BARD1: variants seen among roughly 807,000 people sequenced by gnomAD.
The protein encoded by BARD1 is BRCA1-associated RING domain protein 1.
A neutral mutation model predicts 77.0 loss-of-function variants in BARD1; 73 were observed. That is an observed-to-expected ratio of 0.95 (90% CI 0.79 to 1.15). The LOEUF (loss-of-function observed/expected upper bound fraction) is 1.15, where lower values mean the gene tolerates loss of function less well. Ranked by LOEUF, BARD1 falls within the 50% of genes most tolerant of loss-of-function variation. BARD1 has a pLI of 0.00. For synonymous variants in BARD1, 384 were observed against 338.0 expected (o/e 1.14, Z -1.49); for missense variants, 993 against 938.8 (o/e 1.06, Z -0.75).
chr2:214,779,162 G>A (rs1694865064), intron 4 of BARD1, among the ~76,000 whole-genome samples: 1 of 152,094 alleles, frequency 6.6e-6, no homozygotes, highest in Non-Finnish European at 1.5e-5. Context: ...CATGTTGTAA[G>A]GTCCCTGCCT....
intron 9 of BARD1, among the ~76,000 whole-genome samples, chr2:214,732,803 T>C (rs550568321): frequency 1.3e-5 from 2 of 152,182 alleles, no homozygotes; most frequent in African/African-American, 2.4e-5. Context: ...TCAGACTTTA[T>C]GGCATAATCG....
chr2:214,794,221 A>G (rs1194921901), intron 2 of BARD1, among the ~76,000 whole-genome samples: 1 of 152,184 alleles, frequency 6.6e-6, no homozygotes, highest in African/African-American at 2.4e-5. Context: ...ACTGCACTCC[A>G]GCCTGGGTGA....
chr2:214,788,451 T>C (rs1695372889), intron 3 of BARD1, among the ~76,000 whole-genome samples: 1 of 152,080 alleles, frequency 6.6e-6, no homozygotes, highest in Non-Finnish European at 1.5e-5. Flanking sequence ...AAAGTATTAC[T>C]ACAAATTAGG....
chr2:214,764,206 C>T (rs1376636131), intron 6 of BARD1, among the ~76,000 whole-genome samples: 16 of 152,202 alleles, frequency 1.1e-4, no homozygotes, highest in Admixed American at 1.0e-3. Flanking sequence ...ATACCATAAT[C>T]TTCATTCATT....
intron 4 of BARD1, among the ~76,000 whole-genome samples, chr2:214,777,772 T>G (rs1295224790): frequency 6.6e-6 from 1 of 152,234 alleles, no homozygotes; most frequent in Non-Finnish European, 1.5e-5. Context: ...TTAGAGCCAC[T>G]TCAAATCCTT....
At chr2:214,749,548 C>A (rs750234231) in intron 7 of BARD1, among the ~76,000 whole-genome samples, 10 of 152,182 alleles carry the variant, frequency 6.6e-5, no homozygotes, top group Admixed American at 2.6e-4. Flanking sequence ...TCCAAGAATA[C>A]CATAAAGATA....
intron 9 of BARD1, among the ~76,000 whole-genome samples, chr2:214,737,220 A>G (rs561543070): frequency 6.6e-6 from 1 of 152,270 alleles, no homozygotes; most frequent in East Asian, 1.9e-4. Flanking sequence ...ATGCCTAAAT[A>G]TATAAAAATT....
intron 3 of BARD1, among the ~76,000 whole-genome samples, chr2:214,784,172 T>C (rs1478605695): frequency 2.6e-5 from 4 of 152,012 alleles, no homozygotes; most frequent in Non-Finnish European, 5.9e-5. Flanking sequence ...TACAAAGAAC[T>C]TAAACAAATT....
At chr2:214,805,850 A>G (rs1696246073) in intron 1 of BARD1, among the ~76,000 whole-genome samples, 1 of 152,182 alleles carries the variant, frequency 6.6e-6, no homozygotes, top group South Asian at 2.1e-4. Context: ...CCCACGTTAC[A>G]ATTGTCATAG....
intron 6 of BARD1, among the ~76,000 whole-genome samples, chr2:214,756,246 A>G (rs1693689266): frequency 6.6e-6 from 1 of 152,076 alleles, no homozygotes; most frequent in Admixed American, 6.5e-5. Context: ...GTGTAGCACT[A>G]ATGACCAGGA....
chr2:214,727,373 C>T lies in BARD1; in HGVS notation c.*1303G>A. The stretch of plus-strand genomic sequence containing the variant: ...ATTCTGGTAGTTATCAAACTGTCCT[C>T]TTTTGTTCATGAGGAACCAAACTGG... On this transcript the variant is annotated 3_prime_UTR_variant, in exon 11 of 11. Transcript: ENST00000260947. The T allele has an allele frequency of 4.3e-6, 1 of 232,190 alleles. No homozygotes were observed. The highest frequency in any genetic ancestry group is 2.2e-5 in the African/African-American group (1 of 45,384). The allele number at this position is 232,190 out of a possible 1,614,324, so 14.4% of individuals were successfully genotyped here.
intron 5 of BARD1, among the ~76,000 whole-genome samples, chr2:214,767,950 A>G (rs1200493565): frequency 6.8e-6 from 1 of 147,440 alleles, no homozygotes. Context: ...TAGCTCCTTA[A>G]ATGTTCTACA....
Position 214,745,821 on chromosome 2 carries a change from C to T in BARD1, c.1711G>A (p.Val571Ile), listed in dbSNP as rs1397595827. Residue 571 changes from valine (V) to isoleucine (I), a missense_variant, in exon 8 of 11, where the codon GTA becomes ATA. Transcript: ENST00000260947. Reference protein sequence around the residue: ...NTGQRRDGPLVLIGSGLSSEQ... With the variant: ...NTGQRRDGPLILIGSGLSSEQ... ...GAAGACAGCCCACTGCCTATAAGTA[C>T]AAGAGGTCCATCCCTACGCTGCCCA... 1 of 1,613,998 alleles carries T rather than the reference C, an allele frequency of 6.2e-7. No homozygotes were observed. Among genetic ancestry groups the T allele is most frequent in the Non-Finnish European group, 8.5e-7 (1 of 1,179,960 alleles).
intron 2 of BARD1, among the ~76,000 whole-genome samples, chr2:214,795,455 T>G (rs1326515321): frequency 6.6e-6 from 1 of 152,080 alleles, no homozygotes; most frequent in Non-Finnish European, 1.5e-5. Context: ...GATTTTATTT[T>G]AACTGCAATA....
At chr2:214,803,041 T>G (rs1443944239) in intron 1 of BARD1, among the ~76,000 whole-genome samples, 1 of 149,610 alleles carries the variant, frequency 6.7e-6, no homozygotes, top group Non-Finnish European at 1.5e-5. Flanking sequence ...CGGTGCTCTC[T>G]GAAACATGTG....
intron 2 of BARD1, among the ~76,000 whole-genome samples, chr2:214,796,548 G>A (rs148956809): frequency 6.6e-6 from 1 of 152,316 alleles, no homozygotes; most frequent in Non-Finnish European, 1.5e-5. Context: ...GGAAAGGCAA[G>A]GAGCAGATTC....
intron 1 of BARD1, among the ~76,000 whole-genome samples, chr2:214,798,514 C>G (rs1183245756): frequency 2.0e-5 from 3 of 151,946 alleles, no homozygotes; most frequent in African/African-American, 2.4e-5. Context: ...CTTCCTTTAC[C>G]TCTTTTATTA....
rs546417411 is a variant in BARD1, at chr2:214,808,238, T to A, written c.158+1174A>T. Among the ~76,000 whole-genome samples, 3 of 152,238 alleles carry A rather than the reference T, an allele frequency of 2.0e-5. No homozygotes were observed. The East Asian group carries it at 5.8e-4, about 29-fold the overall frequency. Reference sequence around the variant, plus strand: ...TCCTGGCTAACACGGTGAAACCCCATCTGTACTAAAAATACAAAAAATTAG... The same window carrying A: ...TCCTGGCTAACACGGTGAAACCCCAACTGTACTAAAAATACAAAAAATTAG... On this transcript the variant is annotated intron_variant, in intron 1 of 10. Transcript: ENST00000260947.
chr2:214,783,808 C>T (rs558182422), intron 3 of BARD1, among the ~76,000 whole-genome samples: 1 of 152,080 alleles, frequency 6.6e-6, no homozygotes, highest in Non-Finnish European at 1.5e-5. Flanking sequence ...GGAAAACTGG[C>T]TAGCCATATG....
Sources: gnomAD v4.1 joint callset for allele counts (sites outside exome capture counted in the v4.1 genomes callset) on GRCh38, gnomAD v4.1.1 for gene constraint, MANE v1.5 for transcripts, NCBI Gene and HGNC (gene_info 2026-07-23, HGNC 2026-07-21) for gene names.